Variants in MMRN2 observed in about 807,000 individuals in gnomAD.
MMRN2 encodes multimerin-2.
Under a neutral mutation model 68.8 loss-of-function variants are expected in MMRN2, and 53 were observed. The observed-to-expected ratio is 0.77, with a 90% CI of 0.62 to 0.97. MMRN2 has a LOEUF of 0.97. Among genes scored for constraint, MMRN2 ranks in the 50% least tolerant of loss-of-function variants. The probability of loss-of-function intolerance (pLI) is 0.00; values close to 1 mark genes in which losing one functional copy is unlikely to be tolerated. For synonymous variants in MMRN2, 564 were observed against 551.6 expected (o/e 1.02, Z -0.32); for missense variants, 1,266 against 1,259.5 (o/e 1.01, Z -0.08).
chr10:86,942,825 G>C lies in MMRN2; in HGVS notation c.1959C>G (p.Leu653=), dbSNP rs1843995528. The C allele has an allele frequency of 7.3e-7, 1 of 1,366,702 alleles. No individual in the cohort carries two copies. Among genetic ancestry groups the C allele is most frequent in the Non-Finnish European group, 9.4e-7 (1 of 1,061,318 alleles). The allele number at this position is 1,366,702 out of a possible 1,614,324, so 84.7% of individuals were successfully genotyped here. ...DAASGLQEQA[L]GWDELAARVT... ...CTCGGGCGGCCAGCTCGTCCCAGCCGAGCGCCTGCTCCTGCAGCCCGCTAG... is the reference window on the plus strand; with the variant it reads ...CTCGGGCGGCCAGCTCGTCCCAGCCCAGCGCCTGCTCCTGCAGCCCGCTAG... The change falls in exon 6 of 7, where the codon CTC becomes CTG. Residue 653 remains leucine (L), a synonymous_variant. Transcript: ENST00000372027.
chr10:86,945,830 G>T (rs954320633), intron 1 of MMRN2, 141 bp from the exon 2 acceptor site: 3 of 1,485,126 alleles, frequency 2.0e-6, no homozygotes, highest in Non-Finnish European at 1.8e-6. Flanking sequence ...AGAGCCTTCC[G>T]CATTATTCAT....
rs1001802359 is a variant in MMRN2, at chr10:86,942,590, C to T, written c.2194G>A (p.Gly732Ser). The change falls in exon 6 of 7, where the codon GGC (glycine) becomes AGC (serine). Residue 732 changes from glycine (G) to serine (S), a missense_variant. Coordinates refer to ENST00000372027, the MANE Select transcript of MMRN2 (RefSeq NM_024756.3). ...GTGGCGAAGAGTGCGTTGTGGAGGC[C>T]GTGAAGGGAGGCGTTGAGGGAGGCG... Reference protein sequence around the residue: ...GAASLNASLHGLHNALFATQR... With the variant: ...GAASLNASLHSLHNALFATQR... 4.3e-6 allele frequency: 7 copies of T among 1,610,992 alleles called. No homozygotes were observed. Among genetic ancestry groups the T allele is most frequent in the African/African-American group, 4.0e-5 (3 of 74,934 alleles).
rs780347228 is a variant in MMRN2 at position 86,943,206 on chromosome 10, C to T, written c.1578G>A (p.Arg526=). 1.9e-6 allele frequency: 3 copies of T among 1,609,516 alleles called. No homozygotes were observed. Among genetic ancestry groups the T allele is most frequent in the Non-Finnish European group, 1.7e-6 (2 of 1,177,688 alleles). ...CCTGCAGGGAGGAGCCGTCCAGCTG[C>T]CGCCGCTCGTCCAGGCTCACCTGGG... The part of the protein sequence containing the change: ...EETQVSLDER[R]QLDGSSLQAL... Residue 526 remains arginine (R), a synonymous_variant, in exon 6 of 7, where the codon CGG becomes CGA. Coordinates refer to ENST00000372027, the MANE Select transcript of MMRN2 (RefSeq NM_024756.3). This position sits in a 1 kb window ranked among gnomAD's most constrained non-coding sequence, Gnocchi z 4.2.
At chr10:86,947,205 G>A (rs1844082307) in intron 1 of MMRN2, among the ~76,000 whole-genome samples, 1 of 152,166 alleles carries the variant, frequency 6.6e-6, no homozygotes, top group Non-Finnish European at 1.5e-5. Context: ...CATGGGAGAA[G>A]TGGCCACATT....
At chr10:86,951,113 C>T (rs1844138633) in intron 1 of MMRN2, among the ~76,000 whole-genome samples, 1 of 152,104 alleles carries the variant, frequency 6.6e-6, no homozygotes, top group African/African-American at 2.4e-5. Flanking sequence ...ATAATGCTAC[C>T]TCCTAAGAAG....
chr10:86,937,710 T>A (rs984655504), intron 6 of MMRN2, among the ~76,000 whole-genome samples: 4 of 152,194 alleles, frequency 2.6e-5, no homozygotes, highest in Admixed American at 6.5e-5. Flanking sequence ...AATGGCAGGC[T>A]GGGACAGGAA....
chr10:86,942,797 T>C lies in MMRN2; in HGVS notation c.1987A>G (p.Thr663Ala), dbSNP rs543998825. Residue 663 changes from threonine (T) to alanine (A), a missense_variant, in exon 6 of 7, where the codon ACG becomes GCG. Coordinates refer to ENST00000372027, the MANE Select transcript of MMRN2 (RefSeq NM_024756.3). ...LGWDELAARVTALEQASEPPR... is the reference protein window; with the variant it reads ...LGWDELAARVAALEQASEPPR... Reference sequence around the variant, plus strand: ...GGCTCCGAGGCCTGCTCCAGGGCCGTCACTCGGGCGGCCAGCTCGTCCCAG... The same window carrying C: ...GGCTCCGAGGCCTGCTCCAGGGCCGCCACTCGGGCGGCCAGCTCGTCCCAG... 1 of 1,359,464 alleles carries C rather than the reference T, an allele frequency of 7.4e-7. No homozygotes were observed. Among genetic ancestry groups the C allele is most frequent in the Admixed American group, 3.5e-5 (1 of 28,652 alleles). The allele number at this position is 1,359,464 out of a possible 1,614,324, so 84.2% of individuals were successfully genotyped here.
intron 6 of MMRN2, 21 bp from the exon 7 acceptor site, chr10:86,937,146 G>A: frequency 1.9e-6 from 3 of 1,609,068 alleles, no homozygotes; most frequent in Non-Finnish European, 2.6e-6. Flanking sequence ...ACAGGACAGT[G>A]CTTAGTGATT....
rs372711613 is a variant in MMRN2, at chr10:86,943,848, C to T, written c.936G>A (p.Glu312=). 4.7e-5 allele frequency: 76 copies of T among 1,613,346 alleles called. No individual in the cohort carries two copies. Among genetic ancestry groups the T allele is most frequent in the Non-Finnish European group, 6.4e-5 (75 of 1,180,034 alleles). Residue 312 remains glutamate, a synonymous_variant, in exon 6 of 7, where the codon GAG becomes GAA. Transcript: ENST00000372027. This position sits in a 1 kb window ranked among gnomAD's most constrained non-coding sequence, Gnocchi z 4.2. ...TAAAGTGCTGGGCGTGCAGGCGGTC[C>T]TCCACGTCCTGTCGCAGCTGACCCA... is the stretch of plus-strand genomic sequence containing the variant. The part of the protein sequence containing the change: ...QRVGQLRQDV[E]DRLHAQHFTL...
At chr10:86,940,459 C>T (rs552524001) in intron 6 of MMRN2, among the ~76,000 whole-genome samples, 12 of 152,278 alleles carry the variant, frequency 7.9e-5, no homozygotes, top group East Asian at 7.7e-4. Context: ...GTGTCAGTGT[C>T]GGTGGACACA....
chr10:86,945,719 T>C (rs1589303648), intron 1 of MMRN2, 30 bp from the exon 2 acceptor site: 2 of 1,613,372 alleles, frequency 1.2e-6, no homozygotes. Context: ...AGAAGGCTGC[T>C]GAGCCACACC....
intron 1 of MMRN2, among the ~76,000 whole-genome samples, chr10:86,946,652 G>A (rs1414751139): frequency 6.6e-6 from 1 of 152,170 alleles, no homozygotes; most frequent in Non-Finnish European, 1.5e-5. Flanking sequence ...TGGGGTCAGT[G>A]GCAGTGGTCA....
At chr10:86,951,084 A>G (rs1412265609) in intron 1 of MMRN2, among the ~76,000 whole-genome samples, 2 of 152,032 alleles carry the variant, frequency 1.3e-5, no homozygotes, top group South Asian at 4.1e-4. Context: ...GTGAAACTCC[A>G]TCTCAAAGAA....
intron 1 of MMRN2, among the ~76,000 whole-genome samples, chr10:86,946,979 A>G (rs1844078537): frequency 6.6e-6 from 1 of 152,172 alleles, no homozygotes; most frequent in African/African-American, 2.4e-5. Flanking sequence ...AAGGGGCTGC[A>G]GAAGGAGGCT....
At position 86,945,425 on chromosome 10, in the gene MMRN2, G is replaced by A. The variant is rs1473132687; in HGVS notation, c.345C>T (p.Thr115=). The A allele has an allele frequency of 6.3e-7, 1 of 1,575,500 alleles. No individual in the cohort carries two copies. Among genetic ancestry groups the A allele is most frequent in the Admixed American group, 1.8e-5 (1 of 54,120 alleles). The part of the protein sequence containing the change: ...PVYQVKQKVL[T]SLAWRCCPGY... ...CAGGGCAGCACCTCCAGGCCAAAGA[G>A]GTCAGCACCTTCTGCTTGACCTGGT... Residue 115 remains threonine, a synonymous_variant, in exon 3 of 7, where the codon ACC becomes ACT. Transcript: ENST00000372027.
At chr10:86,942,125 C>T (rs1337229704) in intron 6 of MMRN2, among the ~76,000 whole-genome samples, 192 bp downstream of exon 6, 1 of 152,192 alleles carries the variant, frequency 6.6e-6, no homozygotes, top group Non-Finnish European at 1.5e-5. Flanking sequence ...ACTTCTGTCT[C>T]CCCATAAGCC....
At chr10:86,937,296 C>A (rs1033489163) in intron 6 of MMRN2, among the ~76,000 whole-genome samples, 171 bp from the exon 7 acceptor site, 2 of 152,134 alleles carry the variant, frequency 1.3e-5, no homozygotes, top group African/African-American at 4.8e-5. Context: ...AGCTAGATGG[C>A]CAATTCTGTT....
Position 86,936,774 on chromosome 10 carries a change from G to A in MMRN2, c.2819C>T (p.Ala940Val). Residue 940 changes from alanine to valine, a missense_variant, in exon 7 of 7, where the codon GCA (alanine) becomes GTA (valine). Ala to Val is a moderately conservative substitution (Grantham distance 64). Transcript: ENST00000372027. Reference protein sequence around the residue: ...SITKRSLSGTAFGGFLMFKT With the variant: ...SITKRSLSGTVFGGFLMFKT Reference sequence around the variant, plus strand: ...CTTAAACATCAGGAAGCCCCCAAATGCAGTGCCCGACAGGCTTCTCTTTGT... The same window carrying A: ...CTTAAACATCAGGAAGCCCCCAAATACAGTGCCCGACAGGCTTCTCTTTGT... 6.2e-7 allele frequency: 1 copy of A among 1,614,062 alleles called. No homozygotes were observed. Among genetic ancestry groups the A allele is most frequent in the East Asian group, 2.2e-5 (1 of 44,892 alleles).
rs1315928186 is a variant in MMRN2, at chr10:86,946,838, G to A, written c.165-1149C>T. On this transcript the variant is annotated intron_variant, in intron 1 of 6. Coordinates refer to ENST00000372027, the MANE Select transcript of MMRN2 (RefSeq NM_024756.3). Reference sequence around the variant, plus strand: ...CCCTTCAGGATCCCCAGGGAGAGCGGGCACTCTTAGAATGGGTGAGAAGTG... The same window carrying A: ...CCCTTCAGGATCCCCAGGGAGAGCGAGCACTCTTAGAATGGGTGAGAAGTG... Among the ~76,000 whole-genome samples, 3 of 152,282 alleles carry A rather than the reference G, an allele frequency of 2.0e-5. No individual in the cohort carries two copies. In the South Asian group the frequency reaches 6.2e-4, roughly 32 times the overall value.
Sources: allele counts gnomAD v4.1 joint callset (sites outside exome capture counted in the v4.1 genomes callset), GRCh38; gene constraint gnomAD v4.1.1; non-coding constraint Gnocchi (gnomAD v3.1); transcripts MANE v1.5; gene names NCBI Gene and HGNC (gene_info 2026-07-23, HGNC 2026-07-21).